The following PBX1 variants were observed in gnomAD, a reference collection of about 807,000 sequenced individuals.
PBX1 encodes PBX homeobox 1.
In PBX1, 6 loss-of-function variants were observed where a neutral mutation model predicts 53.4. That is an observed-to-expected ratio of 0.11 (90% CI 0.06 to 0.22). PBX1 has a LOEUF of 0.22. Ranked by LOEUF, PBX1 falls within the 10% of genes least tolerant of loss-of-function variation. The pLI is 1.00. For missense variants in PBX1, 251 were observed against 551.4 expected (o/e 0.46, Z 5.46); for synonymous variants, 204 against 212.3 (o/e 0.96, Z 0.34).
intron 2 of PBX1, among the ~76,000 whole-genome samples, chr1:164,608,066 CCA>C (rs1454097888): frequency 6.6e-6 from 1 of 152,136 alleles, no homozygotes; most frequent in Non-Finnish European, 1.5e-5. Flanking sequence ...TCAGCTGAGT[CCA>C]GAGTCTGCAG....
chr1:164,646,287 T>C (rs1313545391), intron 2 of PBX1, among the ~76,000 whole-genome samples: 1 of 152,204 alleles, frequency 6.6e-6, no homozygotes, highest in Non-Finnish European at 1.5e-5. Context: ...GCATCTATGT[T>C]ATGAAAACCA....
intron 2 of PBX1, among the ~76,000 whole-genome samples, chr1:164,658,001 C>T (rs1474947148): frequency 2.6e-5 from 4 of 152,098 alleles, no homozygotes; most frequent in African/African-American, 9.7e-5. Flanking sequence ...TGTGGGCATT[C>T]GTGTCCCACT....
chr1:164,701,651 G>A (rs1177474432), intron 2 of PBX1, among the ~76,000 whole-genome samples: 2 of 152,144 alleles, frequency 1.3e-5, no homozygotes, highest in Non-Finnish European at 2.9e-5. Context: ...CTAGTTACTG[G>A]TCTTAAAGGT....
intron 2 of PBX1, among the ~76,000 whole-genome samples, chr1:164,753,871 A>G (rs181105228): frequency 2.0e-5 from 3 of 152,316 alleles, no homozygotes; most frequent in East Asian, 3.9e-4. Context: ...GGAAACGGGA[A>G]TGATGCAGTT....
At chr1:164,833,904 C>G (rs1410296203) in intron 8 of PBX1, among the ~76,000 whole-genome samples, 2 of 105,662 alleles carry the variant, frequency 1.9e-5, no homozygotes, top group Admixed American at 1.9e-4. Flanking sequence ...TTTTTTTTTT[C>G]TGTTTACCAC....
intron 2 of PBX1, among the ~76,000 whole-genome samples, chr1:164,756,020 GA>G (rs1191720880): frequency 2.1e-5 from 3 of 145,960 alleles, no homozygotes; most frequent in African/African-American, 7.5e-5. Flanking sequence ...AAAAAAGAAA[GA>G]AAAAAACCCT....
intron 2 of PBX1, among the ~76,000 whole-genome samples, chr1:164,857,650 A>G (rs1672007792): frequency 6.6e-6 from 1 of 152,164 alleles, no homozygotes; most frequent in Admixed American, 6.5e-5. Context: ...CCTCATTAGA[A>G]CAAAAGACTC....
intron 2 of PBX1, among the ~76,000 whole-genome samples, chr1:164,870,988 C>T (rs1048219259): frequency 2.0e-5 from 3 of 152,064 alleles, no homozygotes; most frequent in Non-Finnish European, 4.4e-5. Context: ...AAGCTGATTA[C>T]CTAAAACACT....
intron 2 of PBX1, among the ~76,000 whole-genome samples, chr1:164,644,165 T>C (rs944405746): frequency 6.6e-6 from 1 of 152,216 alleles, no homozygotes; most frequent in Non-Finnish European, 1.5e-5. Flanking sequence ...GGCCAGCTGC[T>C]TTCTGGTTTT....
chr1:164,662,338 A>G (rs1660537378), intron 2 of PBX1, among the ~76,000 whole-genome samples: 1 of 152,164 alleles, frequency 6.6e-6, no homozygotes, highest in African/African-American at 2.4e-5. Context: ...ACAAACAAAC[A>G]AAAACTTCTT....
intron 2 of PBX1, among the ~76,000 whole-genome samples, chr1:164,727,344 T>C (rs1369738552): frequency 6.6e-6 from 1 of 152,218 alleles, no homozygotes; most frequent in Non-Finnish European, 1.5e-5. Context: ...TATTTACCAT[T>C]CACTGTGTCA....
chr1:164,609,265 C>G (rs147679752), intron 2 of PBX1, among the ~76,000 whole-genome samples: 1 of 152,046 alleles, frequency 6.6e-6, no homozygotes, highest in East Asian at 1.9e-4. Flanking sequence ...AAGTTCAGAA[C>G]AAGAGACCAA....
At chr1:164,766,315 A>C (rs1667055607) in intron 2 of PBX1, among the ~76,000 whole-genome samples, 1 of 152,218 alleles carries the variant, frequency 6.6e-6, no homozygotes, top group South Asian at 2.1e-4. Context: ...TCATCATTAC[A>C]GATTTAAGAA....
At chr1:164,691,564 A>T (rs902132849) in intron 2 of PBX1, among the ~76,000 whole-genome samples, 1 of 152,186 alleles carries the variant, frequency 6.6e-6, no homozygotes, top group Non-Finnish European at 1.5e-5. Context: ...AGTCCCATCT[A>T]GACACACCTG....
In PBX1 at chr1:164,679,103, C is replaced by T. The variant is rs75633264; in HGVS notation, c.266-113391C>T. On this transcript the variant is annotated intron_variant, in intron 2 of 8. Coordinates refer to ENST00000420696, the MANE Select transcript of PBX1 (RefSeq NM_002585.4). ...TAAAAACCATCCATCGGTTTTCTTC[C>T]CAATACTCATTCTTCCCCTAAACGT... Among the ~76,000 whole-genome samples, 621 of 152,226 alleles carry T rather than the reference C, an allele frequency of 4.1e-3. 14 individuals are homozygous for T. In the East Asian group the frequency reaches 0.062, roughly 15 times the overall value.
intron 2 of PBX1, among the ~76,000 whole-genome samples, chr1:164,570,818 C>T (rs900942522): frequency 3.3e-5 from 5 of 152,208 alleles, no homozygotes; most frequent in South Asian, 2.1e-4. Context: ...TTTGCACTGT[C>T]ACCAACAGTG....
intron 2 of PBX1, among the ~76,000 whole-genome samples, chr1:164,691,712 C>T (rs1434741980): frequency 6.6e-6 from 1 of 152,126 alleles, no homozygotes; most frequent in East Asian, 1.9e-4. Context: ...TGTTGCGTCA[C>T]CATAAAATAA....
At chr1:164,563,109 G>T in intron 1 of PBX1, 129 bp from the exon 2 acceptor site, 2 of 562,572 alleles carry the variant, frequency 3.6e-6, no homozygotes, top group African/African-American at 1.9e-5. Flanking sequence ...GAAAACAACT[G>T]AAGCATGCCA....
intron 2 of PBX1, among the ~76,000 whole-genome samples, chr1:164,605,907 T>G (rs1266143922): frequency 2.0e-5 from 3 of 152,222 alleles, no homozygotes; most frequent in Admixed American, 1.3e-4. Context: ...TCTCATAAAG[T>G]TTTAAGATTT....
Sources: gnomAD v4.1 joint callset for allele counts (sites outside exome capture counted in the v4.1 genomes callset) on GRCh38, gnomAD v4.1.1 for gene constraint, MANE v1.5 for transcripts, NCBI Gene and HGNC (gene_info 2026-07-23, HGNC 2026-07-21) for gene names.